Variants in GPC5 observed in about 807,000 individuals in gnomAD.
The protein encoded by GPC5 is glypican 5, also known as glypican-5.
Under a neutral mutation model 53.9 loss-of-function variants are expected in GPC5, and 47 were observed. That is an observed-to-expected ratio of 0.87 (90% CI 0.69 to 1.11). The LOEUF (loss-of-function observed/expected upper bound fraction) is 1.11, where lower values mean the gene tolerates loss of function less well. Ranked by LOEUF, GPC5 falls within the 50% of genes most tolerant of loss-of-function variation. The pLI, the probability that GPC5 is intolerant of heterozygous loss-of-function variation, is 0.00. For synonymous variants in GPC5, 286 were observed against 263.3 expected, an observed-to-expected ratio of 1.09 and a Z score of -0.84; for missense variants, 748 against 713.1, an observed-to-expected ratio of 1.05 and a Z score of -0.56.
At chr13:92,047,147 A>T (rs2040988295) in intron 6 of GPC5, among the ~76,000 whole-genome samples, 1 of 152,190 alleles carries the variant, frequency 6.6e-6, no homozygotes, top group Admixed American at 6.5e-5. Flanking sequence ...CCCTGGTTTG[A>T]TATGAATCCA....
intron 2 of GPC5, among the ~76,000 whole-genome samples, chr13:91,583,066 T>C (rs2032428698): frequency 6.6e-6 from 1 of 152,132 alleles, no homozygotes; most frequent in Non-Finnish European, 1.5e-5. Flanking sequence ...GGAATAGAAG[T>C]CCATTTGATA....
intron 7 of GPC5, among the ~76,000 whole-genome samples, chr13:92,382,640 G>A (rs1217637302): frequency 6.6e-6 from 1 of 152,134 alleles, no homozygotes; most frequent in South Asian, 2.1e-4. Flanking sequence ...TTGGTAAAGT[G>A]CTTATACAAG....
intron 3 of GPC5, among the ~76,000 whole-genome samples, chr13:91,726,167 T>A (rs905411399): frequency 2.0e-5 from 3 of 152,194 alleles, no homozygotes; most frequent in Non-Finnish European, 4.4e-5. Context: ...ACTTTGAGCC[T>A]TTTACCACCT....
intron 7 of GPC5, among the ~76,000 whole-genome samples, chr13:92,602,231 A>AT (rs1555294283): frequency 5.7e-3 from 28 of 4,936 alleles, no homozygotes; most frequent in East Asian, 0.031. Flanking sequence ...ATATATATAT[A>AT]ACATATATAT....
intron 7 of GPC5, chr13:92,721,441 C>G (rs1005625841): frequency 6.6e-6 from 1 of 152,048 alleles, no homozygotes; most frequent in Non-Finnish European, 1.5e-5. Flanking sequence ...CATTTATTCT[C>G]TAAGAAAAGC....
chr13:92,035,721 C>A (rs1318495891), intron 6 of GPC5, among the ~76,000 whole-genome samples: 1 of 143,288 alleles, frequency 7.0e-6, no homozygotes, highest in Non-Finnish European at 1.5e-5. Context: ...AAATGTATTG[C>A]TAGCATGGCA....
At chr13:92,161,937 C>A (rs1411484261) in intron 7 of GPC5, among the ~76,000 whole-genome samples, 3 of 118,584 alleles carry the variant, frequency 2.5e-5, no homozygotes, top group Non-Finnish European at 3.5e-5. Context: ...TTATATTTGC[C>A]TATTAAGTAA....
chr13:92,102,381 G>C (rs1307804710), intron 6 of GPC5, among the ~76,000 whole-genome samples: 1 of 152,170 alleles, frequency 6.6e-6, no homozygotes, highest in East Asian at 1.9e-4. Context: ...GACTGGCCAA[G>C]CTGAGTTTAG....
intron 7 of GPC5, among the ~76,000 whole-genome samples, chr13:92,703,272 G>A (rs67309634): frequency 0.088 from 13,375 of 151,574 alleles, 921 homozygotes; most frequent in East Asian, 0.31. Flanking sequence ...AGAGAATAGG[G>A]AAGAATATGT....
At chr13:91,579,225 G>T (rs1281210310) in intron 2 of GPC5, among the ~76,000 whole-genome samples, 1 of 152,148 alleles carries the variant, frequency 6.6e-6, no homozygotes, top group Admixed American at 6.5e-5. Context: ...GGAGGTCAGG[G>T]CATTACATAT....
chr13:92,681,790 C>A (rs1887118296), intron 7 of GPC5, among the ~76,000 whole-genome samples: 1 of 152,154 alleles, frequency 6.6e-6, no homozygotes, highest in Admixed American at 6.5e-5. Flanking sequence ...CACAATGTTC[C>A]TGCCATCTGG....
chr13:91,685,656 T>C (rs1208469777), intron 2 of GPC5, among the ~76,000 whole-genome samples: 1 of 152,168 alleles, frequency 6.6e-6, no homozygotes, highest in Non-Finnish European at 1.5e-5. Flanking sequence ...GACAGAAACT[T>C]GTATGGCTTA....
intron 6 of GPC5, among the ~76,000 whole-genome samples, chr13:92,068,047 A>G (rs2041180951): frequency 6.6e-6 from 1 of 151,942 alleles, no homozygotes; most frequent in Non-Finnish European, 1.5e-5. Flanking sequence ...TTAAAGGAAC[A>G]CCACAGGAAA....
rs577215405 is a variant in GPC5, at chr13:92,017,875, G to A, written c.1401+109818G>A. 8.5e-4 allele frequency among the ~76,000 whole-genome samples: 129 copies of A among 151,288 alleles called. 1 individual carries two copies. The Middle Eastern group carries it at 0.034, about 40-fold the overall frequency. ...AAAATACACACATACGCGTGCATGAGTACCTACACTTCCACAAAATACACA... is the reference window on the plus strand; with the variant it reads ...AAAATACACACATACGCGTGCATGAATACCTACACTTCCACAAAATACACA... On this transcript the variant is annotated intron_variant, in intron 6 of 7. Coordinates refer to ENST00000377067, the MANE Select transcript of GPC5 (RefSeq NM_004466.6).
intron 4 of GPC5, among the ~76,000 whole-genome samples, chr13:91,751,824 A>C (rs1462254361): frequency 1.3e-5 from 2 of 152,230 alleles, no homozygotes; most frequent in Non-Finnish European, 2.9e-5. Flanking sequence ...TGGAATCTCT[A>C]CTTATGGTTT....
intron 5 of GPC5, among the ~76,000 whole-genome samples, chr13:91,881,769 G>A (rs1175946068): frequency 6.6e-6 from 1 of 152,136 alleles, no homozygotes; most frequent in Non-Finnish European, 1.5e-5. Context: ...TAATTCTAAG[G>A]TAGCCCCTAT....
intron 7 of GPC5, among the ~76,000 whole-genome samples, chr13:92,379,078 T>A (rs1383855999): frequency 2.0e-5 from 3 of 152,224 alleles, no homozygotes; most frequent in African/African-American, 7.2e-5. Flanking sequence ...TGATATTGAG[T>A]AACTGGTCAA....
chr13:91,956,195 C>T (rs576610734), intron 6 of GPC5, among the ~76,000 whole-genome samples: 3 of 152,070 alleles, frequency 2.0e-5, no homozygotes, highest in East Asian at 3.9e-4. Flanking sequence ...AAGCATGCCA[C>T]CTGGTGGCAT....
chr13:92,276,298 G>A (rs1281546642), intron 7 of GPC5, among the ~76,000 whole-genome samples: 2 of 152,056 alleles, frequency 1.3e-5, no homozygotes, highest in African/African-American at 4.8e-5. Context: ...AATAATTTGT[G>A]ATCCACAGTG....
Sources: gnomAD v4.1 joint callset for allele counts (sites outside exome capture counted in the v4.1 genomes callset) on GRCh38, gnomAD v4.1.1 for gene constraint, MANE v1.5 for transcripts, NCBI Gene and HGNC (gene_info 2026-07-23, HGNC 2026-07-21) for gene names.